The following PTPRT variants were observed in gnomAD, a reference collection of about 807,000 sequenced individuals.
The protein encoded by PTPRT is receptor-type tyrosine-protein phosphatase T.
PTPRT carries 56 observed loss-of-function variants against 176.8 expected under a neutral mutation model. The ratio of observed to expected loss-of-function variants is 0.32; its 90% CI spans 0.26 to 0.40. The LOEUF (loss-of-function observed/expected upper bound fraction) is 0.40, where lower values mean the gene tolerates loss of function less well. Among genes scored for constraint, PTPRT ranks in the 10% least tolerant of loss-of-function variants. The probability of loss-of-function intolerance (pLI) is 1.00; values close to 1 mark genes in which losing one functional copy is unlikely to be tolerated. For synonymous variants in PTPRT, 783 were observed against 739.0 expected (o/e 1.06, Z -0.96); for missense variants, 1,540 against 1,908.2 (o/e 0.81, Z 3.60).
At chr20:43,090,491 A>C (rs555789952) in intron 1 of PTPRT, among the ~76,000 whole-genome samples, 33 of 152,154 alleles carry the variant, frequency 2.2e-4, no homozygotes, top group Admixed American at 1.6e-3. Flanking sequence ...GATGGTCTTG[A>C]TATTCTGACC....
chr20:42,267,937 T>C (rs1490848650), intron 13 of PTPRT, among the ~76,000 whole-genome samples: 4 of 152,162 alleles, frequency 2.6e-5, no homozygotes, highest in Admixed American at 2.6e-4. Flanking sequence ...AATAATGAAG[T>C]CTGGAAAAGA....
At chr20:42,603,481 T>C (rs1425086679) in intron 7 of PTPRT, among the ~76,000 whole-genome samples, 1 of 152,142 alleles carries the variant, frequency 6.6e-6, no homozygotes, top group Admixed American at 6.5e-5. Context: ...TGGAGCATAG[T>C]GCATGGCCAG....
At position 42,552,003 on chromosome 20, in the gene PTPRT, AC is replaced by A. The variant is rs140123429; in HGVS notation, c.1154-79442del. ...TCTTATGTTACCATCAGTCTATAAC[AC>A]CAACTTTGCTGTGCATCATTCTTTT... On this transcript the variant is annotated intron_variant, in intron 7 of 30. Coordinates refer to ENST00000373187, the MANE Select transcript of PTPRT (RefSeq NM_007050.6). Among the ~76,000 whole-genome samples, 861 of 152,272 alleles carry A rather than the reference AC, an allele frequency of 5.7e-3. 11 individuals carry two copies. Among genetic ancestry groups the A allele is most frequent in the African/African-American group, 0.018 (767 of 41,570 alleles).
chr20:42,544,158 T>C (rs1053084655), intron 7 of PTPRT, among the ~76,000 whole-genome samples: 1 of 152,202 alleles, frequency 6.6e-6, no homozygotes, highest in Non-Finnish European at 1.5e-5. Context: ...TGTTTCTCTC[T>C]AGCTACGAAA....
At chr20:43,018,327 T>C (rs531530226) in intron 1 of PTPRT, among the ~76,000 whole-genome samples, 1 of 152,350 alleles carries the variant, frequency 6.6e-6, no homozygotes, top group African/African-American at 2.4e-5. Flanking sequence ...AAAAAAATAT[T>C]ACATTCTCCA....
chr20:42,200,314 C>A (rs1991398052), intron 15 of PTPRT, among the ~76,000 whole-genome samples: 1 of 152,200 alleles, frequency 6.6e-6, no homozygotes, highest in African/African-American at 2.4e-5. Flanking sequence ...ATGACAGGAC[C>A]AACCTTATAG....
intron 7 of PTPRT, among the ~76,000 whole-genome samples, chr20:42,490,866 T>A (rs573500935): frequency 6.6e-6 from 1 of 152,306 alleles, no homozygotes; most frequent in African/African-American, 2.4e-5. Flanking sequence ...CTTTATTTTC[T>A]AAGGGTTTTA....
chr20:42,322,020 C>T (rs1024200579), intron 11 of PTPRT, among the ~76,000 whole-genome samples: 3 of 152,106 alleles, frequency 2.0e-5, no homozygotes, highest in Non-Finnish European at 2.9e-5. Context: ...TGCAGTTAGC[C>T]GAGATCACGC....
chr20:42,218,232 T>C (rs1183607391), intron 15 of PTPRT, among the ~76,000 whole-genome samples: 2 of 152,122 alleles, frequency 1.3e-5, no homozygotes, highest in African/African-American at 4.8e-5. Context: ...CATGGAAAAA[T>C]GCTAACTGGA....
the PTPRT span, among the ~76,000 whole-genome samples, chr20:42,037,652 C>T: frequency 6.6e-6 from 1 of 152,186 alleles, no homozygotes; most frequent in African/African-American, 2.4e-5. Flanking sequence ...CACTGTGGAC[C>T]TCAGAGGAGT....
intron 3 of PTPRT, among the ~76,000 whole-genome samples, chr20:42,783,559 A>G (rs1336797737): frequency 6.6e-6 from 1 of 152,112 alleles, no homozygotes; most frequent in Non-Finnish European, 1.5e-5. Context: ...CACTCCATCA[A>G]TATGCTTCTG....
At chr20:42,868,147 G>T (rs1024743648) in intron 2 of PTPRT, among the ~76,000 whole-genome samples, 1 of 152,226 alleles carries the variant, frequency 6.6e-6, no homozygotes, top group Non-Finnish European at 1.5e-5. Context: ...ATGCTGCAAA[G>T]AGTCTAGATT....
intron 7 of PTPRT, among the ~76,000 whole-genome samples, chr20:42,522,757 G>A (rs749813136): frequency 3.3e-5 from 5 of 152,114 alleles, no homozygotes; most frequent in South Asian, 2.1e-4. Context: ...CACCATGCCC[G>A]GCTTTCTTTT....
At chr20:42,087,279 GGAGT>G (rs1206644724) in intron 27 of PTPRT, among the ~76,000 whole-genome samples, 2 of 151,888 alleles carry the variant, frequency 1.3e-5, no homozygotes, top group African/African-American at 4.8e-5. Flanking sequence ...TACCTAGGCG[GGAGT>G]GCAGTGGTGC....
chr20:42,218,343 G>A (rs2055817624), intron 15 of PTPRT, among the ~76,000 whole-genome samples: 1 of 152,184 alleles, frequency 6.6e-6, no homozygotes, highest in South Asian at 2.1e-4. Flanking sequence ...GTGTTGGATT[G>A]AGGATATTAA....
chr20:43,070,968 TAAAAAAA>T (rs11474990), intron 1 of PTPRT, among the ~76,000 whole-genome samples: 1 of 122,888 alleles, frequency 8.1e-6, no homozygotes, highest in African/African-American at 3.1e-5. Context: ...AAAGTATAAT[TAAAAAAA>T]AAAAAAAAAA....
At chr20:42,585,561 T>C (rs563279474) in intron 7 of PTPRT, among the ~76,000 whole-genome samples, 1 of 152,294 alleles carries the variant, frequency 6.6e-6, no homozygotes, top group African/African-American at 2.4e-5. Context: ...TAACACTGTA[T>C]AGCACTTCCC....
intron 2 of PTPRT, among the ~76,000 whole-genome samples, chr20:42,825,758 G>A (rs543765613): frequency 1.3e-5 from 2 of 152,100 alleles, no homozygotes; most frequent in Non-Finnish European, 2.9e-5. Flanking sequence ...GCAATTGAGA[G>A]ATGCAAACAT....
In PTPRT at chr20:42,780,418, C is replaced by A. The variant is rs113752924; in HGVS notation, c.487-119G>T. On this transcript the variant is annotated intron_variant, in intron 3 of 30. Transcript: ENST00000373187. ...TTCCCATCAGAAGCAACCCAAGAAA[C>A]CTTCTGTTAAGACAGCACGCTACCC... The A allele has an allele frequency of 7.4e-5, 54 of 731,808 alleles. No homozygotes were observed. The African/African-American group carries it at 8.5e-4, about 12-fold the overall frequency. The allele number at this position is 731,808 out of a possible 1,614,324, so 45.3% of individuals were successfully genotyped here. A position where few individuals can be genotyped will look rare whatever the true frequency, so the allele number is the denominator to read the frequency against.
Sources: allele counts gnomAD v4.1 joint callset (sites outside exome capture counted in the v4.1 genomes callset), GRCh38; gene constraint gnomAD v4.1.1; transcripts MANE v1.5; gene names NCBI Gene and HGNC (gene_info 2026-07-23, HGNC 2026-07-21).